Variants in ADAMTSL1 observed in about 807,000 individuals in gnomAD.
ADAMTSL1 encodes the protein ADAMTS-like protein 1.
A neutral mutation model predicts 201.8 loss-of-function variants in ADAMTSL1; 126 were observed. That is an observed-to-expected ratio of 0.62 (90% CI 0.54 to 0.72). The LOEUF (loss-of-function observed/expected upper bound fraction) is 0.72, where lower values mean the gene tolerates loss of function less well. Among genes scored for constraint, ADAMTSL1 ranks in the 30% least tolerant of loss-of-function variants. The pLI is 0.00. For synonymous variants in ADAMTSL1, 1,121 were observed against 903.4 expected (o/e 1.24, Z -4.32); for missense variants, 2,679 against 2,277.8 (o/e 1.18, Z -3.59).
At chr9:18,317,966 C>T (rs183721581) in intron 2 of ADAMTSL1, among the ~76,000 whole-genome samples, 26 of 152,290 alleles carry the variant, frequency 1.7e-4, no homozygotes, top group Non-Finnish European at 3.2e-4. Context: ...CAATATAGAG[C>T]AGATCTGGCT....
chr9:18,047,134 G>A (rs1229850782), intron 1 of ADAMTSL1, among the ~76,000 whole-genome samples: 1 of 152,112 alleles, frequency 6.6e-6, no homozygotes, highest in Non-Finnish European at 1.5e-5. Flanking sequence ...AGCACTGTAT[G>A]AGTCTAGAAA....
At chr9:18,684,950 T>C in intron 13 of ADAMTSL1, 150 bp downstream of exon 13, 1 of 1,396,558 alleles carries the variant, frequency 7.2e-7, no homozygotes, top group Admixed American at 3.1e-5. Context: ...ATTGATTAGT[T>C]TCAAAAAGTG....
chr9:18,383,747 T>C (rs1371835216), intron 2 of ADAMTSL1, among the ~76,000 whole-genome samples: 1 of 152,190 alleles, frequency 6.6e-6, no homozygotes, highest in African/African-American at 2.4e-5. Context: ...AAGTAGTTTT[T>C]CTTCCAGCCA....
At chr9:18,498,854 A>G (rs1822678261) in intron 1 of ADAMTSL1, among the ~76,000 whole-genome samples, 1 of 152,258 alleles carries the variant, frequency 6.6e-6, no homozygotes, top group South Asian at 2.1e-4. Context: ...TGAGGATTAA[A>G]TACGATCATT....
chr9:18,178,456 G>T (rs1328213563), intron 2 of ADAMTSL1, among the ~76,000 whole-genome samples: 1 of 151,454 alleles, frequency 6.6e-6, no homozygotes, highest in East Asian at 1.9e-4. Context: ...GGGGAGGGGC[G>T]CCCGCCATTG....
intron 16 of ADAMTSL1, among the ~76,000 whole-genome samples, chr9:18,765,262 C>T (rs1820294500): frequency 6.6e-6 from 1 of 152,182 alleles, no homozygotes; most frequent in Non-Finnish European, 1.5e-5. Context: ...TTCAGCATCA[C>T]TAGTGAAGTA....
At chr9:18,753,632 C>T (rs1218327926) in intron 16 of ADAMTSL1, 124 bp downstream of exon 16, 1 of 1,074,278 alleles carries the variant, frequency 9.3e-7, no homozygotes, top group Non-Finnish European at 1.4e-6. Flanking sequence ...GCTCATTTCT[C>T]CCTTCTTAGT....
intron 2 of ADAMTSL1, among the ~76,000 whole-genome samples, chr9:18,253,237 A>C (rs1012582664): frequency 6.6e-6 from 1 of 152,158 alleles, no homozygotes; most frequent in African/African-American, 2.4e-5. Flanking sequence ...GGGTATACAT[A>C]AAGTGGTAGA....
chr9:18,629,270 A>G (rs145865927), intron 5 of ADAMTSL1, among the ~76,000 whole-genome samples: 2 of 152,172 alleles, frequency 1.3e-5, no homozygotes, highest in East Asian at 1.9e-4. Flanking sequence ...CTGGCTACGC[A>G]TGCAATACAA....
In ADAMTSL1 at chr9:18,906,690, A is replaced by G; in HGVS notation, c.4962-2A>G. The G allele has an allele frequency of 6.3e-7, 1 of 1,581,028 alleles. No individual in the cohort carries two copies. The highest frequency in any genetic ancestry group is 8.6e-7 in the Non-Finnish European group (1 of 1,162,134). Reference sequence around the variant, plus strand: ...CTTAACCCTGCCACCATCCTCCTGCAGGCCTGTGAGCACCCAGAACTGCTG... The same window carrying G: ...CTTAACCCTGCCACCATCCTCCTGCGGGCCTGTGAGCACCCAGAACTGCTG... On this transcript the variant is annotated splice_acceptor_variant, in intron 27 of 28. Transcript: ENST00000380548. LOFTEE classifies it high-confidence loss of function.
chr9:18,833,417 G>A (rs10738521), intron 23 of ADAMTSL1, among the ~76,000 whole-genome samples: 136,730 of 152,302 alleles, frequency 0.9, 61,601 homozygotes, highest in African/African-American at 0.96. Flanking sequence ...GTGAGATGGT[G>A]TCTCATTGTG....
At chr9:18,380,283 C>T (rs1454871576) in intron 2 of ADAMTSL1, among the ~76,000 whole-genome samples, 1 of 151,678 alleles carries the variant, frequency 6.6e-6, no homozygotes, top group Non-Finnish European at 1.5e-5. Flanking sequence ...GAAATTGGCT[C>T]AATGAGAAAC....
At chr9:18,018,037 C>T (rs186763272) in intron 1 of ADAMTSL1, among the ~76,000 whole-genome samples, 3 of 152,166 alleles carry the variant, frequency 2.0e-5, no homozygotes, top group Admixed American at 6.6e-5. Context: ...TCTTTTGGTA[C>T]AGCTCTCATG....
At chr9:18,538,867 A>G (rs981851038) in intron 3 of ADAMTSL1, among the ~76,000 whole-genome samples, 1 of 152,206 alleles carries the variant, frequency 6.6e-6, no homozygotes, top group African/African-American at 2.4e-5. Context: ...AACATATGGA[A>G]GAAACAATGA....
chr9:17,963,692 G>A (rs540415305), intron 1 of ADAMTSL1, among the ~76,000 whole-genome samples: 2 of 152,260 alleles, frequency 1.3e-5, no homozygotes, highest in South Asian at 2.1e-4. Context: ...AAGTAGTGCA[G>A]ATTGAGATTC....
At chr9:18,137,658 A>G (rs1478954420) in intron 1 of ADAMTSL1, among the ~76,000 whole-genome samples, 1 of 152,218 alleles carries the variant, frequency 6.6e-6, no homozygotes, top group East Asian at 1.9e-4. Flanking sequence ...AATGTATAAA[A>G]TAAAACCCTG....
At chr9:18,767,729 G>A (rs1820445945) in intron 16 of ADAMTSL1, among the ~76,000 whole-genome samples, 1 of 152,156 alleles carries the variant, frequency 6.6e-6, no homozygotes, top group African/African-American at 2.4e-5. Context: ...TTAAAGAAGT[G>A]AAATCCTTTA....
chr9:17,931,319 A>G (rs891782691), intron 1 of ADAMTSL1, among the ~76,000 whole-genome samples: 1 of 152,186 alleles, frequency 6.6e-6, no homozygotes, highest in African/African-American at 2.4e-5. Flanking sequence ...CTTAGCAGAA[A>G]GAAAGAATTC....
intron 1 of ADAMTSL1, among the ~76,000 whole-genome samples, chr9:18,068,952 C>A (rs1056388072): frequency 6.6e-6 from 1 of 152,038 alleles, no homozygotes; most frequent in South Asian, 2.1e-4. Context: ...GGAGGTGGTC[C>A]TTGAGGTAAA....
Sources: allele counts gnomAD v4.1 joint callset (sites outside exome capture counted in the v4.1 genomes callset), GRCh38; gene constraint gnomAD v4.1.1; transcripts MANE v1.5; gene names NCBI Gene and HGNC (gene_info 2026-07-23, HGNC 2026-07-21).